AARS1: variants seen among roughly 807,000 people sequenced by gnomAD.
AARS1 encodes alanine--tRNA ligase, cytoplasmic.
Under a neutral mutation model 108.9 loss-of-function variants are expected in AARS1, and 72 were observed. The ratio of observed to expected loss-of-function variants is 0.66; its 90% CI spans 0.55 to 0.80. The LOEUF is 0.80. AARS1 is among the 30% of genes least tolerant of loss of function. The pLI, the probability that AARS1 is intolerant of heterozygous loss-of-function variation, is 0.00. For missense variants in AARS1, 1,193 were observed against 1,233.2 expected (o/e 0.97, Z 0.49); for synonymous variants, 489 against 465.7 (o/e 1.05, Z -0.64).
intron 8 of AARS1, 30 bp downstream of exon 8, chr16:70,268,241 A>G (rs888989270): frequency 1.3e-6 from 2 of 1,592,270 alleles, no homozygotes; most frequent in Admixed American, 3.3e-5. Context: ...CTGCTTTAGC[A>G]CAGAAGGGTA....
In AARS1 at chr16:70,252,580, T is replaced by C. The variant is rs576707006; in HGVS notation, c.*141A>G. ...CAGAAATTTAAGGGGCACTGAGACA[T>C]AGGACTGCTCCCAAGTGTGTTCCAG... On this transcript the variant is annotated 3_prime_UTR_variant, in exon 21 of 21. Coordinates refer to ENST00000261772, the MANE Select transcript of AARS1 (RefSeq NM_001605.3). 376 of 927,444 alleles carry C rather than the reference T, an allele frequency of 4.1e-4. No individual in the cohort carries two copies. The African/African-American group carries it at 4.5e-3, about 11-fold the overall frequency. The allele number at this position is 927,444 out of a possible 1,614,324, so 57.5% of individuals were successfully genotyped here.
intron 4 of AARS1, among the ~76,000 whole-genome samples, chr16:70,272,840 G>A (rs1184700895): frequency 1.3e-5 from 2 of 150,224 alleles, no homozygotes; most frequent in Non-Finnish European, 3.0e-5. Context: ...AGCCCAGGAA[G>A]TTGAGGCTGC....
chr16:70,279,036 C>A (rs781231200), intron 2 of AARS1, among the ~76,000 whole-genome samples: 6 of 152,098 alleles, frequency 3.9e-5, no homozygotes, highest in Non-Finnish European at 8.8e-5. Context: ...TGCATGCAGG[C>A]TGACAGCTAC....
chr16:70,268,799 A>G (rs1260434590), intron 7 of AARS1, among the ~76,000 whole-genome samples: 2 of 152,246 alleles, frequency 1.3e-5, no homozygotes, highest in Non-Finnish European at 2.9e-5. Flanking sequence ...GCAGAGATTT[A>G]ATATAGTGGC....
In AARS1 at chr16:70,288,933, G is replaced by A. The variant is rs74024189; in HGVS notation, c.-22+488C>T. 6.8e-3 allele frequency among the ~76,000 whole-genome samples: 1,030 copies of A among 152,134 alleles called. 15 individuals carry two copies. Among genetic ancestry groups the A allele is most frequent in the African/African-American group, 0.023 (962 of 41,508 alleles). Reference sequence around the variant, plus strand: ...TGCTAAATACGTATTTCGTGATCAGGTATACTAATCCTTTAACACCAAGTT... The same window carrying A: ...TGCTAAATACGTATTTCGTGATCAGATATACTAATCCTTTAACACCAAGTT... On this transcript the variant is annotated intron_variant, in intron 1 of 20. Transcript: ENST00000261772.
rs1469763833 is a variant in AARS1 at position 70,280,615 on chromosome 16, G to A, written c.144+2005C>T. ...GCATCCTAAGGGCTGCAGATGCCCC[G>A]GGGGAGCAGGGCTCCAAGAGAACCA... On this transcript the variant is annotated intron_variant, in intron 2 of 20. Transcript: ENST00000261772. Among the ~76,000 whole-genome samples the A allele has an allele frequency of 5.3e-5, 8 of 152,074 alleles. No homozygotes were observed. The East Asian group carries it at 5.8e-4, about 11-fold the overall frequency.
At chr16:70,256,154 G>C (rs1190040495) in intron 15 of AARS1, among the ~76,000 whole-genome samples, 3 of 152,160 alleles carry the variant, frequency 2.0e-5, no homozygotes, top group African/African-American at 7.2e-5. Flanking sequence ...TGGAACTTAA[G>C]CTCCATTTTT....
At chr16:70,279,775 T>G (rs1250265181) in intron 2 of AARS1, among the ~76,000 whole-genome samples, 1 of 152,062 alleles carries the variant, frequency 6.6e-6, no homozygotes, top group Admixed American at 6.6e-5. Context: ...TATGTCTGAA[T>G]AGAAACAGTA....
rs138490305 is a variant in AARS1, at chr16:70,269,622, G to C, written c.958C>G (p.Arg320Gly). The change falls in exon 7 of 21, where the codon CGT becomes GGT. Residue 320 changes from arginine to glycine, a missense_variant. Coordinates refer to ENST00000261772, the MANE Select transcript of AARS1 (RefSeq NM_001605.3). ...ADGGRPDNTG[R>G]GYVLRRILRR... ...CCCAGTGTGCAGCATACTTACCCAC[G>C]CCCTGTGTTGTCAGGCCGGCCACCA... 2 of 1,613,862 alleles carry C rather than the reference G, an allele frequency of 1.2e-6. No individual in the cohort carries two copies. Among genetic ancestry groups the C allele is most frequent in the Non-Finnish European group, 1.7e-6 (2 of 1,180,016 alleles).
Position 70,255,812 on chromosome 16 carries a change from T to G in AARS1, c.2202A>C (p.Ala734=). The G allele has an allele frequency of 2.5e-6, 4 of 1,614,072 alleles. No homozygotes were observed. Among genetic ancestry groups the G allele is most frequent in the Non-Finnish European group, 3.4e-6 (4 of 1,179,974 alleles). The part of the protein sequence containing the change: ...GGTHLRNSSH[A]GAFVIVTEEA... ...CTTCCGTCACGATCACAAAAGCTCC[T>G]GCATGACTCGAGTTCCGCAGGTGCC... The change falls in exon 16 of 21, where the codon GCA becomes GCC. Residue 734 remains alanine (A), a synonymous_variant. Coordinates refer to ENST00000261772, the MANE Select transcript of AARS1 (RefSeq NM_001605.3).
intron 17 of AARS1, 58 bp downstream of exon 17, chr16:70,254,563 G>T: frequency 8.3e-7 from 1 of 1,203,000 alleles, no homozygotes; most frequent in Non-Finnish European, 1.2e-6. Flanking sequence ...ATTTCCTGAA[G>T]ACGGGGCATG....
At position 70,271,785 on chromosome 16, in the gene AARS1, T is replaced by C. The variant is rs779199296; in HGVS notation, c.667A>G (p.Asn223Asp). The C allele has an allele frequency of 5.0e-6, 8 of 1,613,764 alleles. No homozygotes were observed. In the East Asian group the frequency reaches 1.8e-4, roughly 36 times the overall value. The change falls in exon 5 of 21, where the codon AAC becomes GAC. Residue 223 changes from asparagine (N) to aspartate (D), a missense_variant. Asn to Asp is a conservative substitution (Grantham distance 23). Transcript: ENST00000261772. Reference sequence around the variant, plus strand: ...GGAGTAGGAACCCAAGGCTACCTGTTATACTGGATGAACACAAGGTTCCAG... The same window carrying C: ...GGAGTAGGAACCCAAGGCTACCTGTCATACTGGATGAACACAAGGTTCCAG... ...EIWNLVFIQY[N>D]READGILKPL...
intron 12 of AARS1, 54 bp from the exon 13 acceptor site, chr16:70,261,211 T>G (rs2152155819): frequency 7.4e-7 from 1 of 1,351,532 alleles, no homozygotes; most frequent in Non-Finnish European, 1.1e-6. Flanking sequence ...ACATACAAAT[T>G]TTCTTATATT....
intron 2 of AARS1, among the ~76,000 whole-genome samples, chr16:70,280,308 C>A (rs1960664384): frequency 6.6e-6 from 1 of 152,028 alleles, no homozygotes; most frequent in Admixed American, 6.6e-5. Context: ...CCTCTGCCTC[C>A]CAGGTTCCAG....
At position 70,268,959 on chromosome 16, in the gene AARS1, C is replaced by G. The variant is rs796983015; in HGVS notation, c.963-580G>C. Among the ~76,000 whole-genome samples the G allele has an allele frequency of 6.6e-5, 10 of 152,298 alleles. 1 individual carries two copies. The highest frequency in any genetic ancestry group is 2.4e-4 in the African/African-American group (10 of 41,554). ...TGGTGGCTCACACCTGTAATCCCAT[C>G]ACTTTGGGAGGTCGTAGCAGGTGGA... On this transcript the variant is annotated intron_variant, in intron 7 of 20. Coordinates refer to ENST00000261772, the MANE Select transcript of AARS1 (RefSeq NM_001605.3).
intron 11 of AARS1, among the ~76,000 whole-genome samples, chr16:70,264,691 A>G (rs1398821554): frequency 6.6e-6 from 1 of 151,990 alleles, no homozygotes; most frequent in Admixed American, 6.6e-5. Context: ...TGTTACAATT[A>G]GGGGAAACTG....
intron 1 of AARS1, among the ~76,000 whole-genome samples, chr16:70,284,518 C>T (rs150827597): frequency 6.6e-6 from 1 of 152,206 alleles, no homozygotes; most frequent in Non-Finnish European, 1.5e-5. Context: ...AGGAGAATGG[C>T]GTGAACCCAG....
chr16:70,288,097 T>TC lies in AARS1; in HGVS notation c.-22+1323dup, dbSNP rs1491388099. 3.9e-3 allele frequency among the ~76,000 whole-genome samples: 472 copies of TC among 119,504 alleles called. 4 individuals are homozygous for TC. Among genetic ancestry groups the TC allele is most frequent in the African/African-American group, 0.016 (463 of 29,854 alleles). The allele number at this position is 119,504 out of a possible 152,430, so 78.4% of individuals were successfully genotyped here. A position where few individuals can be genotyped will look rare whatever the true frequency, so the allele number is the denominator to read the frequency against. ...TTATTTAAGACAGCCTTCCCCTTCTTCTTTTTTTTTTTTTTTTTTTTTTGA... is the reference window on the plus strand; with the variant it reads ...TTATTTAAGACAGCCTTCCCCTTCTTCCTTTTTTTTTTTTTTTTTTTTTTGA... On this transcript the variant is annotated intron_variant, in intron 1 of 20. Transcript: ENST00000261772.
chr16:70,271,612 G>A (rs934775666), intron 5 of AARS1, among the ~76,000 whole-genome samples, 169 bp downstream of exon 5: 3 of 152,098 alleles, frequency 2.0e-5, no homozygotes, highest in East Asian at 1.9e-4. Flanking sequence ...TATTATGTGC[G>A]ATAAGGTTTA....
Sources: gnomAD v4.1 joint callset for allele counts (sites outside exome capture counted in the v4.1 genomes callset) on GRCh38, gnomAD v4.1.1 for gene constraint, MANE v1.5 for transcripts, NCBI Gene and HGNC (gene_info 2026-07-23, HGNC 2026-07-21) for gene names.